The following ARID4B variants were observed in gnomAD, a reference collection of about 807,000 sequenced individuals.
ARID4B encodes AT-rich interaction domain 4B.
In ARID4B, 26 loss-of-function variants were observed where a neutral mutation model predicts 147.5. The ratio of observed to expected loss-of-function variants is 0.18; its 90% CI spans 0.13 to 0.24. The LOEUF (loss-of-function observed/expected upper bound fraction) is 0.24. Ranked by LOEUF, ARID4B falls within the 10% of genes least tolerant of loss-of-function variation. ARID4B has a pLI of 1.00. For synonymous variants in ARID4B, 512 were observed against 507.9 expected (o/e 1.01, Z -0.11); for missense variants, 1,179 against 1,511.5 (o/e 0.78, Z 3.65).
intron 2 of ARID4B, among the ~76,000 whole-genome samples, chr1:235,289,428 A>T (rs1460960541): frequency 3.3e-5 from 5 of 152,160 alleles, no homozygotes; most frequent in Non-Finnish European, 7.4e-5. Context: ...AATTTTTTTT[A>T]GAGACCAACC....
chr1:235,175,721 C>A (rs1321054815), intron 21 of ARID4B: 1 of 223,482 alleles, frequency 4.5e-6, no homozygotes, highest in Non-Finnish European at 8.9e-6. Flanking sequence ...AATATATCAT[C>A]TTTTAAAATG....
intron 2 of ARID4B, among the ~76,000 whole-genome samples, chr1:235,316,817 T>C (rs1016146791): frequency 6.6e-6 from 1 of 152,122 alleles, no homozygotes; most frequent in East Asian, 1.9e-4. Flanking sequence ...AGATTCTGTC[T>C]CAAACAACCA....
intron 2 of ARID4B, among the ~76,000 whole-genome samples, chr1:235,312,144 G>A (rs1303324656): frequency 6.6e-6 from 1 of 152,012 alleles, no homozygotes; most frequent in African/African-American, 2.4e-5. Context: ...AAATTAGCTG[G>A]GCGTGGTGGC....
chr1:235,181,269 G>T, intron 20 of ARID4B: 2 of 583,906 alleles, frequency 3.4e-6, no homozygotes, highest in Non-Finnish European at 4.9e-6. Context: ...AGCTGCTCAT[G>T]CCATATAGTC....
intron 13 of ARID4B, 43 bp from the exon 14 acceptor site, chr1:235,221,705 TTAATA>T (rs1268697047): frequency 2.7e-6 from 3 of 1,097,478 alleles, no homozygotes. Context: ...TTAAAAGGTG[TTAATA>T]TAATAACATT....
At position 235,167,291 on chromosome 1, in the gene ARID4B, G is replaced by C. The variant is rs1435980639; in HGVS notation, c.*1234C>G. ...GAACTACAATTAAAACAGTAAAACA[G>C]TCTGTACAATAAAGTACTGTGTATT... On this transcript the variant is annotated 3_prime_UTR_variant, in exon 24 of 24. Coordinates refer to ENST00000264183, the MANE Select transcript of ARID4B (RefSeq NM_016374.6). The C allele has an allele frequency of 9.2e-6, 2 of 218,196 alleles. No homozygotes were observed. The highest frequency in any genetic ancestry group is 1.8e-5 in the Non-Finnish European group (2 of 108,418). 13.5% of individuals were successfully genotyped at this position (218,196 alleles called of 1,614,324 possible).
chr1:235,252,452 T>A (rs1669703970), intron 6 of ARID4B, among the ~76,000 whole-genome samples: 1 of 152,192 alleles, frequency 6.6e-6, no homozygotes, highest in Non-Finnish European at 1.5e-5. Context: ...ATTTACAAAT[T>A]TTAAGTCTGT....
chr1:235,325,379 A>T (rs1326877725), intron 2 of ARID4B, among the ~76,000 whole-genome samples: 3 of 151,938 alleles, frequency 2.0e-5, no homozygotes, highest in East Asian at 3.8e-4. Flanking sequence ...AAAAAAAAGG[A>T]AACGAAAGGA....
chr1:235,227,612 C>G (rs1667908542), intron 11 of ARID4B, among the ~76,000 whole-genome samples: 1 of 152,124 alleles, frequency 6.6e-6, no homozygotes, highest in Non-Finnish European at 1.5e-5. Context: ...ATCTGCACCA[C>G]TCATTAACTT....
intron 22 of ARID4B, 35 bp downstream of exon 22, chr1:235,175,149 A>C (rs750556464): frequency 6.5e-7 from 1 of 1,549,570 alleles, no homozygotes; most frequent in South Asian, 1.1e-5. Context: ...ACTAGGATGA[A>C]GTTTGTATGC....
intron 2 of ARID4B, chr1:235,295,743 G>C (rs913557206): frequency 6.6e-6 from 1 of 152,440 alleles, no homozygotes; most frequent in Non-Finnish European, 1.5e-5. Context: ...CTGGGAGGTG[G>C]AGGTTGCGGT....
chr1:235,214,651 C>CA (rs1329093027), intron 16 of ARID4B, among the ~76,000 whole-genome samples: 2 of 152,006 alleles, frequency 1.3e-5, no homozygotes, highest in Non-Finnish European at 2.9e-5. Flanking sequence ...AATGTACTAC[C>CA]AATATCTTAT....
intron 19 of ARID4B, among the ~76,000 whole-genome samples, chr1:235,184,078 C>A (rs1367473228): frequency 6.6e-6 from 1 of 152,126 alleles, no homozygotes; most frequent in Non-Finnish European, 1.5e-5. Context: ...CACACCTGGC[C>A]AGCTTCATTT....
At chr1:235,236,835 T>TAA (rs1391403353) in intron 8 of ARID4B, among the ~76,000 whole-genome samples, 4 of 22,492 alleles carry the variant, frequency 1.8e-4, no homozygotes, top group Admixed American at 7.8e-4. Flanking sequence ...TTATAAAAAA[T>TAA]ATATATATAT....
intron 19 of ARID4B, among the ~76,000 whole-genome samples, chr1:235,184,740 C>A (rs1457313742): frequency 1.3e-5 from 2 of 152,158 alleles, no homozygotes; most frequent in African/African-American, 4.8e-5. Flanking sequence ...GGATAAAAAT[C>A]TGTTTTTCCA....
intron 17 of ARID4B, among the ~76,000 whole-genome samples, chr1:235,204,425 T>G (rs1187779559): frequency 6.6e-6 from 1 of 152,218 alleles, no homozygotes. Context: ...GCGATGGTAT[T>G]CCTCACACTT....
chr1:235,233,695 G>A (rs1291597803), intron 9 of ARID4B, among the ~76,000 whole-genome samples: 1 of 152,070 alleles, frequency 6.6e-6, no homozygotes, highest in African/African-American at 2.4e-5. Context: ...TTATCCAACA[G>A]GTATCACTAT....
intron 19 of ARID4B, among the ~76,000 whole-genome samples, chr1:235,189,450 AAAAAGTCAAC>A (rs1199266049): frequency 2.6e-5 from 4 of 151,838 alleles, no homozygotes; most frequent in Non-Finnish European, 5.9e-5. Context: ...ACATTACAGC[AAAAAGTCAAC>A]AAAAGGATTA....
At chr1:235,310,072 C>T (rs544830786) in intron 2 of ARID4B, among the ~76,000 whole-genome samples, 64 of 152,010 alleles carry the variant, frequency 4.2e-4, no homozygotes, top group African/African-American at 1.5e-3. Flanking sequence ...CCTAGGAAAA[C>T]CAGAGACCTT....
Sources: allele counts gnomAD v4.1 joint callset (sites outside exome capture counted in the v4.1 genomes callset), GRCh38; gene constraint gnomAD v4.1.1; transcripts MANE v1.5; gene names NCBI Gene and HGNC (gene_info 2026-07-23, HGNC 2026-07-21).